The following RNLS variants were observed in gnomAD, a reference collection of about 807,000 sequenced individuals.
The protein encoded by RNLS is renalase, FAD dependent amine oxidase.
Under a neutral mutation model 39.8 loss-of-function variants are expected in RNLS, and 39 were observed. That is an observed-to-expected ratio of 0.98 (90% CI 0.76 to 1.28). The LOEUF is 1.28. Among genes scored for constraint, RNLS ranks in the 50% most tolerant of loss-of-function variants. RNLS has a pLI of 0.00. For synonymous variants in RNLS, 147 were observed against 150.7 expected, an observed-to-expected ratio of 0.98 and a Z score of 0.18; for missense variants, 410 against 413.3, an observed-to-expected ratio of 0.99 and a Z score of 0.07.
chr10:88,496,701 A>G (rs1460649896), intron 4 of RNLS, among the ~76,000 whole-genome samples: 1 of 152,150 alleles, frequency 6.6e-6, no homozygotes, highest in Non-Finnish European at 1.5e-5. Flanking sequence ...GATTTCATAG[A>G]GGAGAAGGGT....
At chr10:88,504,096 G>C (rs529297128) in intron 4 of RNLS, among the ~76,000 whole-genome samples, 2 of 152,106 alleles carry the variant, frequency 1.3e-5, no homozygotes, top group African/African-American at 4.8e-5. Flanking sequence ...AGATTTTCCA[G>C]TCCCAGCTAA....
the RNLS span, among the ~76,000 whole-genome samples, chr10:88,226,974 G>C: frequency 1.3e-5 from 2 of 151,996 alleles, no homozygotes; most frequent in Non-Finnish European, 2.9e-5. Context: ...GGTTGACAAA[G>C]AATAGCCCAT....
the RNLS span, among the ~76,000 whole-genome samples, chr10:88,233,713 A>T: frequency 6.6e-6 from 1 of 152,166 alleles, no homozygotes; most frequent in Non-Finnish European, 1.5e-5. Context: ...GGACTTCAAG[A>T]GTAAGCCTGT....
chr10:88,199,542 G>T, the RNLS span, among the ~76,000 whole-genome samples: 4 of 152,186 alleles, frequency 2.6e-5, no homozygotes, highest in African/African-American at 7.2e-5. Flanking sequence ...ACTCAGAGGT[G>T]CTGGGAAGGC....
the RNLS span, among the ~76,000 whole-genome samples, chr10:88,187,804 C>G: frequency 1.3e-5 from 2 of 152,204 alleles, no homozygotes; most frequent in African/African-American, 2.4e-5. Flanking sequence ...AATAATCTCT[C>G]TTTTTCCCGA....
chr10:88,343,830 G>A (rs994977028), intron 5 of RNLS: 34 of 985,010 alleles, frequency 3.5e-5, no homozygotes, highest in Non-Finnish European at 4.1e-5. Flanking sequence ...AAAAACGAAA[G>A]GGTTTCAATA....
chr10:88,186,351 A>G, the RNLS span, among the ~76,000 whole-genome samples: 2 of 152,258 alleles, frequency 1.3e-5, no homozygotes, highest in Non-Finnish European at 2.9e-5. Flanking sequence ...AACATCTCCC[A>G]TAAATGACAT....
the RNLS span, among the ~76,000 whole-genome samples, chr10:88,177,869 G>T: frequency 6.6e-6 from 1 of 152,220 alleles, no homozygotes; most frequent in Non-Finnish European, 1.5e-5. Context: ...GGCTTTGGTT[G>T]TTTGTGGTGG....
chr10:88,238,992 C>A, the RNLS span, among the ~76,000 whole-genome samples: 1 of 152,114 alleles, frequency 6.6e-6, no homozygotes, highest in Non-Finnish European at 1.5e-5. Context: ...GTAAGGAAAT[C>A]CTTCTTTTCT....
the RNLS span, among the ~76,000 whole-genome samples, chr10:88,196,345 T>A: frequency 6.6e-6 from 1 of 152,224 alleles, no homozygotes; most frequent in East Asian, 1.9e-4. Flanking sequence ...ATTGTATAGA[T>A]CCTCTCTATC....
chr10:88,438,717 A>G (rs1841548509), intron 4 of RNLS, among the ~76,000 whole-genome samples: 1 of 152,178 alleles, frequency 6.6e-6, no homozygotes, highest in African/African-American at 2.4e-5. Context: ...TACAGGTGAT[A>G]ATATTTATTT....
At chr10:88,262,982 C>T in the RNLS span, among the ~76,000 whole-genome samples, 1 of 152,088 alleles carries the variant, frequency 6.6e-6, no homozygotes, top group Non-Finnish European at 1.5e-5. Flanking sequence ...GTGTAAATTT[C>T]AGAGACAAAC....
intron 4 of RNLS, among the ~76,000 whole-genome samples, chr10:88,452,713 C>A (rs922651908): frequency 1.3e-5 from 2 of 152,168 alleles, no homozygotes; most frequent in African/African-American, 4.8e-5. Context: ...CCCGTCATGT[C>A]ATGTTGCTTG....
At chr10:88,567,825 T>C (rs1849597867) in intron 4 of RNLS, among the ~76,000 whole-genome samples, 1 of 152,246 alleles carries the variant, frequency 6.6e-6, no homozygotes, top group Admixed American at 6.5e-5. Flanking sequence ...ATTTCTTCTA[T>C]AGTTCTAAAT....
At chr10:88,372,703 C>T (rs1850660554) in intron 4 of RNLS, among the ~76,000 whole-genome samples, 1 of 152,144 alleles carries the variant, frequency 6.6e-6, no homozygotes, top group Non-Finnish European at 1.5e-5. Flanking sequence ...AAAAATCTCT[C>T]AACCACTTAG....
Position 88,484,920 on chromosome 10 carries a change from G to T in RNLS, c.526+87983C>A, listed in dbSNP as rs112563560. Among the ~76,000 whole-genome samples the T allele has an allele frequency of 4.9e-3, 745 of 151,504 alleles. 7 individuals are homozygous for T. The highest frequency in any genetic ancestry group is 0.015 in the African/African-American group (598 of 41,140). On this transcript the variant is annotated intron_variant, in intron 4 of 6. Transcript: ENST00000331772. ...ATCTTCAATTTTGCTTAGCAATTTTGTTTGTTTGTTTGTTTCAGTGTATAT... is the reference window on the plus strand; with the variant it reads ...ATCTTCAATTTTGCTTAGCAATTTTTTTTGTTTGTTTGTTTCAGTGTATAT...
chr10:88,400,593 C>G (rs959138849), intron 4 of RNLS, among the ~76,000 whole-genome samples: 2 of 151,884 alleles, frequency 1.3e-5, no homozygotes, highest in African/African-American at 4.8e-5. Flanking sequence ...GTTTACATTC[C>G]TGGTTAATCT....
At chr10:88,569,986 T>C (rs946751249) in intron 4 of RNLS, among the ~76,000 whole-genome samples, 2 of 152,148 alleles carry the variant, frequency 1.3e-5, no homozygotes, top group African/African-American at 4.8e-5. Flanking sequence ...TAGGCCTAAA[T>C]GGTTTTACCA....
intron 5 of RNLS, among the ~76,000 whole-genome samples, chr10:88,355,748 G>C (rs1264245482): frequency 6.6e-6 from 1 of 152,206 alleles, no homozygotes; most frequent in Admixed American, 6.5e-5. Flanking sequence ...CTGTCAGGCA[G>C]GGACATTTAA....
Sources: allele counts gnomAD v4.1 joint callset (sites outside exome capture counted in the v4.1 genomes callset), GRCh38; gene constraint gnomAD v4.1.1; transcripts MANE v1.5; gene names NCBI Gene and HGNC (gene_info 2026-07-23, HGNC 2026-07-21).